ADGRG5: variants seen among roughly 807,000 people sequenced by gnomAD.
The protein encoded by ADGRG5 is G protein-coupled receptor 114.
ADGRG5 carries 37 observed loss-of-function variants against 53.2 expected under a neutral mutation model. The observed-to-expected ratio is 0.70, with a 90% CI of 0.53 to 0.91. The LOEUF (loss-of-function observed/expected upper bound fraction) is 0.91. ADGRG5 is among the 40% of genes least tolerant of loss of function. The probability of loss-of-function intolerance (pLI) is 0.00; values close to 1 mark genes in which losing one functional copy is unlikely to be tolerated. For synonymous variants in ADGRG5, 277 were observed against 290.4 expected (o/e 0.95, Z 0.47); for missense variants, 614 against 675.8 (o/e 0.91, Z 1.01).
chr16:57,560,181 A>G (rs1181298380), intron 1 of ADGRG5, among the ~76,000 whole-genome samples: 1 of 151,972 alleles, frequency 6.6e-6, no homozygotes, highest in African/African-American at 2.4e-5. Flanking sequence ...TTCAGCATCA[A>G]CCCGGGCCTT....
chr16:57,556,072 CA>C (rs2032875693), intron 1 of ADGRG5, among the ~76,000 whole-genome samples: 1 of 152,196 alleles, frequency 6.6e-6, no homozygotes, highest in African/African-American at 2.4e-5. Context: ...AACTGTGACT[CA>C]AACCTCTTTT....
At chr16:57,561,065 C>T (rs12921124) in intron 1 of ADGRG5, among the ~76,000 whole-genome samples, 44,615 of 152,140 alleles carry the variant, frequency 0.29, 6,696 homozygotes, top group East Asian at 0.49. Flanking sequence ...AGGCATGAGC[C>T]GCCATGCCTG....
intron 4 of ADGRG5, 138 bp from the exon 5 acceptor site, chr16:57,563,710 G>A: frequency 9.3e-7 from 1 of 1,072,824 alleles, no homozygotes. Context: ...AGTTTGGGAG[G>A]AGATGCAGCC....
At position 57,565,101 on chromosome 16, in the gene ADGRG5, A is replaced by G. The variant is rs781307093; in HGVS notation, c.497A>G (p.Asn166Ser). Residue 166 changes from asparagine to serine, a missense_variant, in exon 6 of 12, where the codon AAC becomes AGC. By Grantham distance (46) the Asn-to-Ser change is conservative. Coordinates refer to ENST00000349457, the MANE Select transcript of ADGRG5 (RefSeq NM_001304376.3). ...LGAQLSHGHVNNLRDPVNISF... is the reference protein window; with the variant it reads ...LGAQLSHGHVSNLRDPVNISF... ...GCCCAGCTGAGTCATGGGCACGTGA[A>G]CAACCTCAGGGATCCTGTGAACATC... 28 of 1,613,936 alleles carry G rather than the reference A, an allele frequency of 1.7e-5. No homozygotes were observed. The highest frequency in any genetic ancestry group is 2.3e-5 in the Non-Finnish European group (27 of 1,179,976).
rs1178903620 is a variant in ADGRG5, at chr16:57,563,177, T to C, written c.227T>C (p.Leu76Pro). The change falls in exon 4 of 12, where the codon CTG becomes CCG. Residue 76 changes from leucine to proline, a missense_variant. Coordinates refer to ENST00000349457, the MANE Select transcript of ADGRG5 (RefSeq NM_001304376.3). ...LTLQTPTIQS[L>P]AFKLSCDFSG... The stretch of plus-strand genomic sequence containing the variant: ...TTGCAGACACCCACCATCCAGTCTC[T>C]GGCCTTCAAGCTGAGCTGTGACTTC... The C allele has an allele frequency of 1.2e-6, 2 of 1,613,928 alleles. No homozygotes were observed. Among genetic ancestry groups the C allele is most frequent in the East Asian group, 4.5e-5 (2 of 44,894 alleles).
chr16:57,562,000 C>T, intron 1 of ADGRG5, 56 bp from the exon 2 acceptor site: 1 of 966,462 alleles, frequency 1.0e-6, no homozygotes, highest in Admixed American at 2.6e-5. Flanking sequence ...TGCCAGACAC[C>T]TAGAAGTTAG....
At chr16:57,535,833 C>G in the ADGRG5 span, among the ~76,000 whole-genome samples, 2 of 152,178 alleles carry the variant, frequency 1.3e-5, no homozygotes, top group Non-Finnish European at 2.9e-5. Context: ...GGCAGACCTC[C>G]CGAACCCAAA....
chr16:57,574,696 G>T lies in ADGRG5; in HGVS notation c.1209-119G>T. ...GGTGAGGGGTTTCACTGTGTGTTCA[G>T]TCAGGCAAGAAACAATAGGGCCTGA... is the stretch of plus-strand genomic sequence containing the variant. On this transcript the variant is annotated intron_variant, in intron 10 of 11. Coordinates refer to ENST00000349457, the MANE Select transcript of ADGRG5 (RefSeq NM_001304376.3). This position sits in a 1 kb window ranked among gnomAD's most constrained non-coding sequence, Gnocchi z 4.4. 2 of 1,138,980 alleles carry T rather than the reference G, an allele frequency of 1.8e-6. No individual in the cohort carries two copies. The highest frequency in any genetic ancestry group is 2.4e-6 in the Non-Finnish European group (2 of 825,026). The allele number at this position is 1,138,980 out of a possible 1,614,324, so 70.6% of individuals were successfully genotyped here.
intron 1 of ADGRG5, among the ~76,000 whole-genome samples, chr16:57,557,949 G>T (rs552036209): frequency 2.8e-4 from 42 of 152,186 alleles, no homozygotes; most frequent in African/African-American, 9.6e-4. Context: ...CAACATTTTG[G>T]CCATCTCTAA....
Position 57,575,544 on chromosome 16 carries a change from G to T in ADGRG5, c.*6G>T, listed in dbSNP as rs187483286. On this transcript the variant is annotated 3_prime_UTR_variant, in exon 12 of 12. Transcript: ENST00000349457. ...CCTCCCAAACAACACAGTAGTCCGG[G>T]CCTCCTGGCCTGGAATCCTCAGCCT... The T allele has an allele frequency of 1.2e-3, 1,862 of 1,610,412 alleles. 16 individuals are homozygous for T. The East Asian group carries it at 0.017, about 15-fold the overall frequency.
chr16:57,565,934 GC>G (rs1230555077), intron 6 of ADGRG5: 1 of 152,346 alleles, frequency 6.6e-6, no homozygotes, highest in Non-Finnish European at 1.5e-5. Flanking sequence ...CACCAGGACT[GC>G]CCTGCACTCT....
chr16:57,545,331 G>T (rs1164372533), intron 1 of ADGRG5, among the ~76,000 whole-genome samples: 2 of 152,210 alleles, frequency 1.3e-5, no homozygotes, highest in East Asian at 3.8e-4. Context: ...ATGGACTGGA[G>T]ATTTCAATTT....
chr16:57,575,402 A>T (rs534446568), intron 11 of ADGRG5, 36 bp from the exon 12 acceptor site: 1 of 1,586,276 alleles, frequency 6.3e-7, no homozygotes, highest in South Asian at 1.1e-5. Flanking sequence ...GGGGAAGCCC[A>T]TGCTGCCCCG....
At chr16:57,561,640 G>A (rs1289056722) in intron 1 of ADGRG5, among the ~76,000 whole-genome samples, 1 of 152,186 alleles carries the variant, frequency 6.6e-6, no homozygotes, top group Admixed American at 6.5e-5. Context: ...TAAAATGGAG[G>A]AAAATGAGGG....
chr16:57,550,453 C>T (rs1163174043), intron 1 of ADGRG5, among the ~76,000 whole-genome samples: 1 of 152,144 alleles, frequency 6.6e-6, no homozygotes, highest in Non-Finnish European at 1.5e-5. Context: ...CTTATCTTCT[C>T]GTTTTGCTAA....
upstream of ADGRG5, among the ~76,000 whole-genome samples, chr16:57,538,671 C>T (rs1003838514): frequency 6.6e-6 from 1 of 152,172 alleles, no homozygotes; most frequent in Non-Finnish European, 1.5e-5. Context: ...CCAGTGGTCT[C>T]GGCAGGGTTT....
Sources: gnomAD v4.1 joint callset for allele counts (sites outside exome capture counted in the v4.1 genomes callset) on GRCh38, gnomAD v4.1.1 for gene constraint, Gnocchi (gnomAD v3.1) non-coding constraint, MANE v1.5 for transcripts, NCBI Gene and HGNC (gene_info 2026-07-23, HGNC 2026-07-21) for gene names.